Variants in ATG16L1 observed in about 807,000 individuals in gnomAD.
ATG16L1 encodes the protein autophagy-related protein 16-1.
Under a neutral mutation model 88.5 loss-of-function variants are expected in ATG16L1, and 37 were observed. The observed-to-expected ratio is 0.42, with a 90% CI of 0.32 to 0.55. ATG16L1 has a LOEUF of 0.55. Ranked by LOEUF, ATG16L1 falls within the 20% of genes least tolerant of loss-of-function variation. The pLI is 0.13. For missense variants in ATG16L1, 554 were observed against 752.8 expected (o/e 0.74, Z 3.09); for synonymous variants, 301 against 281.0 (o/e 1.07, Z -0.71).
intron 10 of ATG16L1, among the ~76,000 whole-genome samples, chr2:233,278,168 T>G (rs1442676524): frequency 6.6e-6 from 1 of 152,174 alleles, no homozygotes; most frequent in Non-Finnish European, 1.5e-5. Flanking sequence ...AAAGATGTAT[T>G]TAACAGTGTA....
At chr2:233,281,688 C>T (rs1261153951) in intron 11 of ATG16L1, among the ~76,000 whole-genome samples, 2 of 152,132 alleles carry the variant, frequency 1.3e-5, no homozygotes, top group Non-Finnish European at 2.9e-5. Flanking sequence ...GGACGGACAC[C>T]ACAGGCAGAG....
At chr2:233,266,000 AC>A (rs1697545224) in intron 5 of ATG16L1, 2 of 152,108 alleles carry the variant, frequency 1.3e-5, no homozygotes, top group African/African-American at 4.8e-5. Context: ...TCTTACTAAA[AC>A]CTGCAAGAGA....
At chr2:233,285,498 G>A (rs747722177) in intron 12 of ATG16L1, among the ~76,000 whole-genome samples, 6 of 152,338 alleles carry the variant, frequency 3.9e-5, no homozygotes, top group East Asian at 1.9e-4. Flanking sequence ...GGAGCAGGGC[G>A]CAGGCTGCTG....
At chr2:233,273,999 A>G in intron 8 of ATG16L1, 1 of 1,550,934 alleles carries the variant, frequency 6.4e-7, no homozygotes, top group Non-Finnish European at 8.7e-7. Flanking sequence ...AGTCTGTCCG[A>G]GTCTCCCCTT....
chr2:233,276,098 G>C, intron 9 of ATG16L1: 1 of 390,760 alleles, frequency 2.6e-6, no homozygotes, highest in Admixed American at 3.1e-5. Flanking sequence ...GGTCACAAGA[G>C]GGAGGCAAAG....
intron 14 of ATG16L1, among the ~76,000 whole-genome samples, chr2:233,290,906 C>T (rs994284380): frequency 6.6e-6 from 1 of 152,142 alleles, no homozygotes; most frequent in Non-Finnish European, 1.5e-5. Context: ...ATCACTCGAT[C>T]TTGTAAGTCG....
chr2:233,290,068 G>A (rs1369053998), intron 13 of ATG16L1, 94 bp downstream of exon 13: 49 of 1,577,738 alleles, frequency 3.1e-5, no homozygotes, highest in Non-Finnish European at 3.9e-5. Flanking sequence ...ATGTAATATA[G>A]TTTGAATTTC....
chr2:233,256,093 T>C lies in ATG16L1; in HGVS notation c.116-9T>C. 6.2e-7 allele frequency: 1 copy of C among 1,610,826 alleles called. No individual in the cohort carries two copies. On this transcript the variant is annotated splice_polypyrimidine_tract_variant and intron_variant, in intron 1 of 17. Transcript: ENST00000392017. ...AATAACTTAGTTTCTGACTTTTTTA[T>C]TTTAATAGATAACAAATTGCTGGAA...
At position 233,263,977 on chromosome 2, in the gene ATG16L1, T is replaced by C; in HGVS notation, c.316-15T>C. ...AAAATTTTTATTTATGAAAGTATTCTTCTTTATCTCCCAGTTAGCTCAACT... is the reference window on the plus strand; with the variant it reads ...AAAATTTTTATTTATGAAAGTATTCCTCTTTATCTCCCAGTTAGCTCAACT... On this transcript the variant is annotated splice_polypyrimidine_tract_variant and intron_variant, in intron 3 of 17. Coordinates refer to ENST00000392017, the MANE Select transcript of ATG16L1 (RefSeq NM_030803.7). 1 of 1,613,130 alleles carries C rather than the reference T, an allele frequency of 6.2e-7. No individual in the cohort carries two copies. The highest frequency in any genetic ancestry group is 8.5e-7 in the Non-Finnish European group (1 of 1,179,456).
intron 16 of ATG16L1, 106 bp downstream of exon 16, chr2:233,292,540 A>C: frequency 7.3e-7 from 1 of 1,378,306 alleles, no homozygotes; most frequent in East Asian, 2.3e-5. Context: ...TGCCCAACCT[A>C]TGTTTCCAGG....
At chr2:233,273,809 G>A (rs1559394782) in intron 8 of ATG16L1, 32 bp downstream of exon 8, 3 of 1,599,624 alleles carry the variant, frequency 1.9e-6, no homozygotes, top group Admixed American at 3.3e-5. Context: ...TTTTAAATGT[G>A]TATAAGTATA....
chr2:233,261,051 G>A (rs964553080), intron 2 of ATG16L1, among the ~76,000 whole-genome samples: 3 of 152,178 alleles, frequency 2.0e-5, no homozygotes, highest in East Asian at 1.9e-4. Flanking sequence ...CGCCTTCCGG[G>A]TTCATGCCAT....
intron 6 of ATG16L1, among the ~76,000 whole-genome samples, chr2:233,270,270 TAAAG>T (rs1697905612): frequency 6.6e-6 from 1 of 152,160 alleles, no homozygotes; most frequent in African/African-American, 2.4e-5. Context: ...AGAAAAATGT[TAAAG>T]GAAGAAAATG....
chr2:233,264,747 A>T, intron 4 of ATG16L1, 145 bp from the exon 5 acceptor site: 2 of 1,085,350 alleles, frequency 1.8e-6, no homozygotes, highest in South Asian at 3.2e-5. Flanking sequence ...TCCTCTCCTA[A>T]TGGATTATCC....
intron 14 of ATG16L1, among the ~76,000 whole-genome samples, chr2:233,290,733 G>A (rs183392345): frequency 5.8e-4 from 88 of 152,284 alleles, no homozygotes; most frequent in East Asian, 5.4e-3. Context: ...AGATTTCTCC[G>A]GAGACGTGAG....
chr2:233,260,091 T>C (rs2125212137), intron 2 of ATG16L1, among the ~76,000 whole-genome samples: 1 of 152,312 alleles, frequency 6.6e-6, no homozygotes, highest in Non-Finnish European at 1.5e-5. Flanking sequence ...TTGGTTTCCT[T>C]TCCCCTCCTT....
At chr2:233,276,860 T>G (rs1698410257) in intron 9 of ATG16L1, among the ~76,000 whole-genome samples, 1 of 152,214 alleles carries the variant, frequency 6.6e-6, no homozygotes. Flanking sequence ...ATTAGAAATT[T>G]CCCTGTGAAG....
chr2:233,253,397 T>C (rs1015186911), intron 1 of ATG16L1, among the ~76,000 whole-genome samples: 1 of 131,236 alleles, frequency 7.6e-6, no homozygotes, highest in African/African-American at 2.9e-5. Context: ...TAGGCTGGAG[T>C]GCAAGTGGCG....
intron 1 of ATG16L1, among the ~76,000 whole-genome samples, 178 bp downstream of exon 1, chr2:233,252,120 T>A (rs908518385): frequency 2.6e-5 from 4 of 152,242 alleles, no homozygotes; most frequent in Admixed American, 6.5e-5. Context: ...ACCTGCGTTT[T>A]ATCTTTGGAG....
Sources: gnomAD v4.1 joint callset for allele counts (sites outside exome capture counted in the v4.1 genomes callset) on GRCh38, gnomAD v4.1.1 for gene constraint, MANE v1.5 for transcripts, NCBI Gene and HGNC (gene_info 2026-07-23, HGNC 2026-07-21) for gene names.